The following MRAS variants were observed in gnomAD, a reference collection of about 807,000 sequenced individuals.
MRAS encodes ras-related protein M-Ras.
Under a neutral mutation model 20.9 loss-of-function variants are expected in MRAS, and 4 were observed. The observed-to-expected ratio is 0.19, with a 90% CI of 0.09 to 0.44. The LOEUF is 0.44. MRAS is among the 20% of genes least tolerant of loss of function. MRAS has a pLI of 0.99. For missense variants in MRAS, 154 were observed against 277.5 expected, an observed-to-expected ratio of 0.56 and a Z score of 3.16; for synonymous variants, 98 against 102.9, an observed-to-expected ratio of 0.95 and a Z score of 0.29.
intron 1 of MRAS, among the ~76,000 whole-genome samples, chr3:138,363,556 G>A (rs751361907): frequency 2.0e-5 from 3 of 152,086 alleles, no homozygotes; most frequent in African/African-American, 7.2e-5. Flanking sequence ...AGCCCCACAG[G>A]CTGGGGCTGG....
At chr3:138,401,095 A>G (rs1560189929) in intron 5 of MRAS, among the ~76,000 whole-genome samples, 1 of 152,250 alleles carries the variant, frequency 6.6e-6, no homozygotes, top group Non-Finnish European at 1.5e-5. Flanking sequence ...ACCAGCTGTC[A>G]ATCTCCAAGT....
intron 5 of MRAS, 109 bp downstream of exon 5, chr3:138,400,722 G>A: frequency 1.1e-6 from 1 of 906,598 alleles, no homozygotes; most frequent in South Asian, 1.5e-5. Flanking sequence ...TGAGGCTGTG[G>A]AATTCTGGGC....
chr3:138,364,853 G>C (rs2054528363), intron 1 of MRAS, among the ~76,000 whole-genome samples: 1 of 152,212 alleles, frequency 6.6e-6, no homozygotes, highest in South Asian at 2.1e-4. Context: ...CTGCCCAGCT[G>C]TTTCACCCAC....
At position 138,382,229 on chromosome 3, in the gene MRAS, C is replaced by T. The variant is rs534516890; in HGVS notation, c.193+9153C>T. Among the ~76,000 whole-genome samples the T allele has an allele frequency of 3.1e-3, 475 of 152,374 alleles. 3 individuals carry two copies. Among genetic ancestry groups the T allele is most frequent in the Middle Eastern group, 0.014 (4 of 294 alleles). The stretch of plus-strand genomic sequence containing the variant: ...CATGCTGCTGAAATGCCTCACTGAT[C>T]TCCATGGTGCCCAGGGCAGTGCTCT... On this transcript the variant is annotated intron_variant, in intron 2 of 5. Transcript: ENST00000423968.
At position 138,383,002 on chromosome 3, in the gene MRAS, C is replaced by T. The variant is rs887161338; in HGVS notation, c.193+9926C>T. ...GCCTGTGCTCCCCACACCCTGGCTC[C>T]GGTGACTGGGGCTCCTCCTCCCTTT... On this transcript the variant is annotated intron_variant, in intron 2 of 5. Transcript: ENST00000423968. Among the ~76,000 whole-genome samples, 6 of 152,298 alleles carry T rather than the reference C, an allele frequency of 3.9e-5. No homozygotes were observed. In the South Asian group the frequency reaches 6.2e-4, roughly 16 times the overall value.
chr3:138,390,787 C>G (rs953701463), intron 2 of MRAS, among the ~76,000 whole-genome samples: 2 of 152,242 alleles, frequency 1.3e-5, no homozygotes, highest in Non-Finnish European at 2.9e-5. Context: ...TGGGTTCATA[C>G]CATTCCTGGG....
intron 2 of MRAS, among the ~76,000 whole-genome samples, chr3:138,389,042 G>T (rs1037547386): frequency 6.6e-6 from 1 of 151,906 alleles, no homozygotes; most frequent in African/African-American, 2.4e-5. Flanking sequence ...GGGTTTTACC[G>T]TGTTGTCTAG....
At chr3:138,360,255 G>A (rs915100210) in intron 1 of MRAS, among the ~76,000 whole-genome samples, 2 of 152,220 alleles carry the variant, frequency 1.3e-5, no homozygotes, top group Admixed American at 6.5e-5. Flanking sequence ...CCGTCTCTCA[G>A]GCAGGGGCCT....
At chr3:138,392,555 T>C (rs1284071055) in intron 2 of MRAS, among the ~76,000 whole-genome samples, 2 of 152,246 alleles carry the variant, frequency 1.3e-5, no homozygotes, top group African/African-American at 2.4e-5. Flanking sequence ...ATGCTTATGA[T>C]TGATGACTGC....
At chr3:138,374,745 G>A (rs1270978888) in intron 2 of MRAS, among the ~76,000 whole-genome samples, 1 of 152,158 alleles carries the variant, frequency 6.6e-6, no homozygotes, top group Non-Finnish European at 1.5e-5. Flanking sequence ...GGTCATGGAA[G>A]TTCCTTTCTA....
At chr3:138,367,090 G>A (rs1436731669) in intron 1 of MRAS, among the ~76,000 whole-genome samples, 1 of 152,230 alleles carries the variant, frequency 6.6e-6, no homozygotes, top group African/African-American at 2.4e-5. Context: ...TGTGGGGGCT[G>A]TTGGGGCCTG....
intron 1 of MRAS, among the ~76,000 whole-genome samples, chr3:138,368,905 G>T (rs1011810454): frequency 6.6e-6 from 1 of 152,094 alleles, no homozygotes; most frequent in Non-Finnish European, 1.5e-5. Context: ...TTTTGGGGGG[G>T]GCCGGAGAAA....
intron 1 of MRAS, among the ~76,000 whole-genome samples, chr3:138,366,666 A>G (rs1354135219): frequency 6.6e-6 from 1 of 152,254 alleles, no homozygotes; most frequent in Non-Finnish European, 1.5e-5. Context: ...CATGTGATGC[A>G]GCAAAATGAT....
At position 138,404,917 on chromosome 3, in the gene MRAS, C is replaced by T. The variant is rs2055428937; in HGVS notation, c.*2648C>T. 6.6e-6 allele frequency: 1 copy of T among 152,270 alleles called. No individual in the cohort carries two copies. Among genetic ancestry groups the T allele is most frequent in the South Asian group, 2.1e-4 (1 of 4,830 alleles). 9.4% of individuals were successfully genotyped at this position (152,270 alleles called of 1,614,324 possible). On this transcript the variant is annotated 3_prime_UTR_variant, in exon 6 of 6. Transcript: ENST00000423968. The stretch of plus-strand genomic sequence containing the variant: ...TGGTCTTCCGGAGAATAGTGCTACC[C>T]TCACATCCCCTGGAGCACAGCCTTC...
intron 2 of MRAS, among the ~76,000 whole-genome samples, chr3:138,379,993 A>AT (rs1340715317): frequency 2.0e-5 from 3 of 151,944 alleles, no homozygotes; most frequent in Non-Finnish European, 4.4e-5. Context: ...AGCATTTGTT[A>AT]TTTTTTGTCT....
chr3:138,375,745 C>A (rs930053022), intron 2 of MRAS, among the ~76,000 whole-genome samples: 1 of 152,148 alleles, frequency 6.6e-6, no homozygotes, highest in Non-Finnish European at 1.5e-5. Flanking sequence ...TGGCTGGGCG[C>A]TGTGGCTTAC....
In MRAS at chr3:138,348,648, G is replaced by A. The variant is rs1428203257; in HGVS notation, c.-138G>A. 1 of 151,712 alleles carries A rather than the reference G, an allele frequency of 6.6e-6. No individual in the cohort carries two copies. The highest frequency in any genetic ancestry group is 1.9e-4 in the East Asian group (1 of 5,170). 9.4% of individuals were successfully genotyped at this position (151,712 alleles called of 1,614,324 possible). A position where few individuals can be genotyped will look rare whatever the true frequency, so the allele number is the denominator to read the frequency against. ...CGGGGACGGACCGGAGTGGCCGGCT[G>A]GCGGGGAGCCGTCAGTCCGGCGGCC... On this transcript the variant is annotated 5_prime_UTR_variant, in exon 1 of 6. Transcript: ENST00000423968.
chr3:138,371,091 A>G (rs4678261), intron 1 of MRAS, among the ~76,000 whole-genome samples: 97,206 of 152,088 alleles, frequency 0.64, 31,250 homozygotes, highest in Admixed American at 0.76. Flanking sequence ...ATCTCCTTAG[A>G]ATAAATTCTC....
At position 138,349,352 on chromosome 3, in the gene MRAS, CAAG is replaced by C. The variant is rs147228761; in HGVS notation, c.-19+587_-19+589del. ...TGCCAGTCCTGCCCTGCGGGGAAGA[CAAG>C]AGCACAAAGTGACAAGCCAGTGTGG... On this transcript the variant is annotated intron_variant, in intron 1 of 5. Transcript: ENST00000423968. 9.2e-5 allele frequency: 14 copies of C among 152,630 alleles called. No individual in the cohort carries two copies. The East Asian group carries it at 2.7e-3, about 29-fold the overall frequency. 9.5% of individuals were successfully genotyped at this position (152,630 alleles called of 1,614,324 possible). A position where few individuals can be genotyped will look rare whatever the true frequency, so the allele number is the denominator to read the frequency against.
Sources: allele counts gnomAD v4.1 joint callset (sites outside exome capture counted in the v4.1 genomes callset), GRCh38; gene constraint gnomAD v4.1.1; transcripts MANE v1.5; gene names NCBI Gene and HGNC (gene_info 2026-07-23, HGNC 2026-07-21).